Variants in BMPER observed in about 807,000 individuals in gnomAD.
BMPER encodes BMP binding endothelial regulator, also known as BMP-binding endothelial regulator protein.
A neutral mutation model predicts 87.3 loss-of-function variants in BMPER; 45 were observed. The observed-to-expected ratio is 0.52, with a 90% CI of 0.41 to 0.66. The LOEUF is 0.66. BMPER is among the 30% of genes least tolerant of loss of function. The pLI is 0.00. For synonymous variants in BMPER, 326 were observed against 316.2 expected, an observed-to-expected ratio of 1.03 and a Z score of -0.33; for missense variants, 784 against 867.5, an observed-to-expected ratio of 0.90 and a Z score of 1.21.
chr7:34,146,890 A>G (rs375141714), intron 14 of BMPER, among the ~76,000 whole-genome samples: 5 of 152,144 alleles, frequency 3.3e-5, no homozygotes, highest in South Asian at 4.2e-4. Context: ...TGACTTTCCA[A>G]TTTCTATTTG....
At chr7:33,929,199 A>T (rs1019736460) in intron 2 of BMPER, among the ~76,000 whole-genome samples, 3 of 152,098 alleles carry the variant, frequency 2.0e-5, no homozygotes, top group Non-Finnish European at 4.4e-5. Context: ...CCTAGACAGG[A>T]GGGAAAAAGA....
chr7:34,066,836 G>A (rs992305632), intron 11 of BMPER, among the ~76,000 whole-genome samples: 1 of 152,188 alleles, frequency 6.6e-6, no homozygotes, highest in East Asian at 1.9e-4. Context: ...AGGGAGAGAG[G>A]GATGGAGGGA....
At chr7:34,137,328 T>G (rs1459672202) in intron 13 of BMPER, among the ~76,000 whole-genome samples, 1 of 152,248 alleles carries the variant, frequency 6.6e-6, no homozygotes, top group African/African-American at 2.4e-5. Context: ...CTTGGCCGTA[T>G]TAAGCAGTGG....
chr7:33,938,400 C>T (rs374274779), intron 3 of BMPER, among the ~76,000 whole-genome samples: 10 of 152,198 alleles, frequency 6.6e-5, no homozygotes, highest in African/African-American at 2.4e-4. Context: ...TTTGGGTGGC[C>T]CCAAATCCAA....
At chr7:33,906,796 AT>A (rs753210851) in intron 1 of BMPER, 21 bp from the exon 2 acceptor site, 36 of 1,600,188 alleles carry the variant, frequency 2.2e-5, no homozygotes, top group Non-Finnish European at 2.9e-5. Flanking sequence ...TAAATGAAAC[AT>A]TTTTCCCCCC....
At chr7:34,058,251 G>C in intron 10 of BMPER, 88 bp downstream of exon 10, 1 of 1,231,004 alleles carries the variant, frequency 8.1e-7, no homozygotes, top group Non-Finnish European at 1.2e-6. Flanking sequence ...TCCGAACACA[G>C]ACTCCAGCTC....
At chr7:34,110,111 G>A (rs560872815) in intron 13 of BMPER, among the ~76,000 whole-genome samples, 6 of 152,290 alleles carry the variant, frequency 3.9e-5, no homozygotes, top group African/African-American at 2.4e-5. Context: ...CAAGGTTTCC[G>A]CTGGCTCTTG....
intron 14 of BMPER, 70 bp from the exon 15 acceptor site, chr7:34,153,022 G>A (rs990043281): frequency 2.6e-5 from 40 of 1,562,860 alleles, no homozygotes; most frequent in African/African-American, 6.8e-5. Context: ...CTGCAAGAAC[G>A]GCATCTGGCT....
chr7:33,974,335 T>C (rs1785624807), intron 5 of BMPER, among the ~76,000 whole-genome samples: 1 of 152,056 alleles, frequency 6.6e-6, no homozygotes, highest in African/African-American at 2.4e-5. Flanking sequence ...CATGGTTGAC[T>C]TCTCTCCCTT....
chr7:34,074,332 T>G (rs1419607515), intron 11 of BMPER, among the ~76,000 whole-genome samples: 1 of 152,216 alleles, frequency 6.6e-6, no homozygotes, highest in Non-Finnish European at 1.5e-5. Context: ...TGCTGACCCT[T>G]AGGTCCCTTT....
intron 13 of BMPER, among the ~76,000 whole-genome samples, chr7:34,113,122 A>G (rs1014318990): frequency 6.6e-6 from 1 of 151,972 alleles, no homozygotes; most frequent in African/African-American, 2.4e-5. Context: ...ATTAATATAA[A>G]CAATAAAAAA....
chr7:34,133,385 CTGG>C (rs1170631032), intron 13 of BMPER, among the ~76,000 whole-genome samples: 14 of 150,738 alleles, frequency 9.3e-5, no homozygotes, highest in African/African-American at 3.2e-4. Context: ...CACAGGGGTT[CTGG>C]AAGGTGGTGT....
chr7:33,955,532 C>G (rs960645409), intron 3 of BMPER, among the ~76,000 whole-genome samples: 1 of 152,154 alleles, frequency 6.6e-6, no homozygotes, highest in Non-Finnish European at 1.5e-5. Flanking sequence ...TGCCCTTAGT[C>G]CTTGGACTAC....
At chr7:34,142,771 A>G (rs1790906706) in intron 13 of BMPER, among the ~76,000 whole-genome samples, 1 of 152,248 alleles carries the variant, frequency 6.6e-6, no homozygotes, top group Non-Finnish European at 1.5e-5. Context: ...ACATTGCAGT[A>G]AAGTCTATTA....
chr7:34,119,006 T>G (rs1419737975), intron 13 of BMPER, among the ~76,000 whole-genome samples: 1 of 39,722 alleles, frequency 2.5e-5, no homozygotes, highest in South Asian at 1.7e-3. Flanking sequence ...TGTCTCTCTC[T>G]CTCTCTCTCA....
At chr7:34,131,585 G>A (rs1278525521) in intron 13 of BMPER, among the ~76,000 whole-genome samples, 3 of 152,186 alleles carry the variant, frequency 2.0e-5, no homozygotes, top group Non-Finnish European at 1.5e-5. Context: ...TGAAGCAGGG[G>A]GCTGGTGGTG....
At chr7:34,004,824 C>T (rs537169168) in intron 6 of BMPER, among the ~76,000 whole-genome samples, 9 of 152,210 alleles carry the variant, frequency 5.9e-5, no homozygotes, top group South Asian at 2.1e-4. Flanking sequence ...CCTTCACTTT[C>T]GGATTGCACA....
intron 6 of BMPER, among the ~76,000 whole-genome samples, chr7:34,017,142 C>T (rs996012527): frequency 2.6e-5 from 4 of 151,798 alleles, no homozygotes; most frequent in East Asian, 1.9e-4. Context: ...TGGTCTCTGA[C>T]GAAGACTGAT....
chr7:33,922,937 G>C (rs1363846991), intron 2 of BMPER, among the ~76,000 whole-genome samples: 1 of 152,174 alleles, frequency 6.6e-6, no homozygotes, highest in Admixed American at 6.5e-5. Context: ...TGAAAGTACA[G>C]AGAGGAGTAC....
Sources: gnomAD v4.1 joint callset for allele counts (sites outside exome capture counted in the v4.1 genomes callset) on GRCh38, gnomAD v4.1.1 for gene constraint, MANE v1.5 for transcripts, NCBI Gene and HGNC (gene_info 2026-07-23, HGNC 2026-07-21) for gene names.